Variants in VEPH1 observed in about 807,000 individuals in gnomAD.
The protein encoded by VEPH1 is ventricular zone-expressed PH domain-containing protein homolog 1.
Under a neutral mutation model 85.2 loss-of-function variants are expected in VEPH1, and 80 were observed. The observed-to-expected ratio is 0.94, with a 90% confidence interval of 0.78 to 1.13. The LOEUF (loss-of-function observed/expected upper bound fraction) is 1.13, where lower values mean the gene tolerates loss of function less well. Ranked by LOEUF, VEPH1 falls within the 50% of genes most tolerant of loss-of-function variation. The pLI, the probability that VEPH1 is intolerant of heterozygous loss-of-function variation, is 0.00. For synonymous variants in VEPH1, 297 were observed against 348.0 expected (o/e 0.85, Z 1.63); for missense variants, 955 against 980.5 (o/e 0.97, Z 0.35).
At chr3:157,314,160 G>A (rs1165085047) in intron 10 of VEPH1, among the ~76,000 whole-genome samples, 4 of 151,318 alleles carry the variant, frequency 2.6e-5, no homozygotes, top group Non-Finnish European at 5.9e-5. Context: ...GTGAAACCCC[G>A]TCTCTACTAA....
At chr3:157,388,274 C>A (rs1217152522) in intron 6 of VEPH1, among the ~76,000 whole-genome samples, 24 of 152,104 alleles carry the variant, frequency 1.6e-4, no homozygotes, top group Admixed American at 1.6e-3. Flanking sequence ...TGCTTAACTG[C>A]CTGGGGGCGT....
intron 4 of VEPH1, among the ~76,000 whole-genome samples, chr3:157,455,631 G>A (rs1190835106): frequency 6.6e-6 from 1 of 151,980 alleles, no homozygotes; most frequent in Non-Finnish European, 1.5e-5. Flanking sequence ...ATGTGTCCAG[G>A]TATTGTCATA....
intron 11 of VEPH1, among the ~76,000 whole-genome samples, chr3:157,296,656 C>T (rs575283425): frequency 6.6e-6 from 1 of 152,288 alleles, no homozygotes; most frequent in Non-Finnish European, 1.5e-5. Context: ...ACAAAGCATG[C>T]TGACACCAAG....
chr3:157,454,850 T>C (rs538064012), intron 4 of VEPH1, among the ~76,000 whole-genome samples: 1 of 152,286 alleles, frequency 6.6e-6, no homozygotes, highest in East Asian at 1.9e-4. Context: ...AGTGAAAACA[T>C]GTGGTATCTG....
intron 12 of VEPH1, among the ~76,000 whole-genome samples, chr3:157,278,549 C>A (rs936046893): frequency 2.0e-5 from 3 of 152,108 alleles, no homozygotes; most frequent in Non-Finnish European, 2.9e-5. Context: ...AGGGGTGGCA[C>A]AACAGATTTG....
chr3:157,470,950 A>G (rs771843939), intron 2 of VEPH1, among the ~76,000 whole-genome samples: 7 of 152,236 alleles, frequency 4.6e-5, no homozygotes, highest in Admixed American at 6.5e-5. Flanking sequence ...CTTTCTGGAC[A>G]TAATGGAACA....
At position 157,460,185 on chromosome 3, in the gene VEPH1, G is replaced by C. The variant is rs754833752; in HGVS notation, c.525C>G (p.Leu175=). 1.9e-6 allele frequency: 3 copies of C among 1,614,152 alleles called. No homozygotes were observed. Among genetic ancestry groups the C allele is most frequent in the Non-Finnish European group, 2.5e-6 (3 of 1,180,030 alleles). ...DHTEVIVKSI[L]QGNTMLLRVL... ...AGCTCAACTTTCGCACCATACCTTG[G>C]AGTATGCTCTTTACTATAACTTCCG... The change falls in exon 4 of 14, where the codon CTC becomes CTG. Residue 175 remains leucine, a synonymous_variant. Coordinates refer to ENST00000362010, the MANE Select transcript of VEPH1 (RefSeq NM_001167912.2).
At position 157,313,783 on chromosome 3, in the gene VEPH1, A is replaced by C. The variant is rs575767035; in HGVS notation, c.1876-28T>G. 1.4e-5 allele frequency: 23 copies of C among 1,613,474 alleles called. No homozygotes were observed. The African/African-American group carries it at 1.7e-4, about 12-fold the overall frequency. ...GAAAGGGCATTAAAGACAGAAACAG[A>C]ATATACTATGTCTTGTCCCAATAGT... On this transcript the variant is annotated intron_variant, in intron 10 of 13. Coordinates refer to ENST00000362010, the MANE Select transcript of VEPH1 (RefSeq NM_001167912.2).
intron 7 of VEPH1, among the ~76,000 whole-genome samples, chr3:157,371,860 G>A (rs1451121109): frequency 1.3e-5 from 2 of 152,118 alleles, no homozygotes; most frequent in South Asian, 2.1e-4. Context: ...GATGGACCCC[G>A]AATCTTTAGA....
chr3:157,265,081 A>T (rs1379857878), intron 13 of VEPH1, among the ~76,000 whole-genome samples: 1 of 152,326 alleles, frequency 6.6e-6, no homozygotes, highest in South Asian at 2.1e-4. Flanking sequence ...TCAGAATTAA[A>T]CTTTGTTGAC....
chr3:157,438,165 C>T (rs1733819324), intron 4 of VEPH1, among the ~76,000 whole-genome samples: 1 of 151,818 alleles, frequency 6.6e-6, no homozygotes, highest in Non-Finnish European at 1.5e-5. Flanking sequence ...CCTAAGGAGC[C>T]CTAAAGAGAG....
chr3:157,496,158 AACATGAT>A (rs1201044541), intron 1 of VEPH1, among the ~76,000 whole-genome samples: 2 of 152,250 alleles, frequency 1.3e-5, no homozygotes, highest in African/African-American at 2.4e-5. Flanking sequence ...CACTGAAATG[AACATGAT>A]AGCCTTGCCA....
intron 5 of VEPH1, among the ~76,000 whole-genome samples, chr3:157,416,701 G>A (rs1168705218): frequency 6.6e-6 from 1 of 151,626 alleles, no homozygotes; most frequent in Non-Finnish European, 1.5e-5. Flanking sequence ...CCAGTGATAC[G>A]TCCCAAGCTA....
chr3:157,335,069 A>G (rs546515189), intron 9 of VEPH1, among the ~76,000 whole-genome samples: 9 of 152,340 alleles, frequency 5.9e-5, no homozygotes, highest in East Asian at 3.9e-4. Flanking sequence ...AAAATTATCT[A>G]TCACCTTCAT....
chr3:157,397,514 A>G (rs1376650876), intron 6 of VEPH1, among the ~76,000 whole-genome samples: 2 of 151,998 alleles, frequency 1.3e-5, no homozygotes, highest in African/African-American at 4.8e-5. Flanking sequence ...TATAGGCAGT[A>G]TGGCCATTTT....
At chr3:157,265,470 TTGG>T in intron 13 of VEPH1, 53 bp downstream of exon 13, 1 of 1,565,310 alleles carries the variant, frequency 6.4e-7, no homozygotes, top group Middle Eastern at 1.7e-4. Flanking sequence ...CGTTTAGCTA[TTGG>T]TGGAGATCAA....
intron 11 of VEPH1, among the ~76,000 whole-genome samples, chr3:157,306,790 A>G (rs185827412): frequency 6.6e-6 from 1 of 152,154 alleles, no homozygotes; most frequent in East Asian, 1.9e-4. Flanking sequence ...GGATGAATGA[A>G]GTCTGAGATT....
intron 1 of VEPH1, among the ~76,000 whole-genome samples, chr3:157,502,210 T>C (rs1236578472): frequency 6.6e-6 from 1 of 152,234 alleles, no homozygotes; most frequent in African/African-American, 2.4e-5. Flanking sequence ...ACGATCTAAG[T>C]TTGTAGCAGG....
intron 4 of VEPH1, chr3:157,443,036 C>A: frequency 6.5e-7 from 1 of 1,534,944 alleles, no homozygotes; most frequent in South Asian, 1.3e-5. Flanking sequence ...AAACACATGC[C>A]AGTTGGGAAG....
Sources: allele counts gnomAD v4.1 joint callset (sites outside exome capture counted in the v4.1 genomes callset), GRCh38; gene constraint gnomAD v4.1.1; transcripts MANE v1.5; gene names NCBI Gene and HGNC (gene_info 2026-07-23, HGNC 2026-07-21).